APBA1: variants seen among roughly 807,000 people sequenced by gnomAD.
APBA1 encodes the protein amyloid beta precursor protein binding family A member 1.
In APBA1, 55 loss-of-function variants were observed where a neutral mutation model predicts 86.6. The observed-to-expected ratio is 0.64, with a 90% CI of 0.51 to 0.80. The LOEUF is 0.80. APBA1 is among the 30% of genes least tolerant of loss of function. The pLI is 0.00. For missense variants in APBA1, 1,090 were observed against 1,183.0 expected, an observed-to-expected ratio of 0.92 and a Z score of 1.15; for synonymous variants, 511 against 493.9, an observed-to-expected ratio of 1.03 and a Z score of -0.46.
chr9:69,576,337 C>T (rs975222241), intron 1 of APBA1, among the ~76,000 whole-genome samples: 5 of 152,168 alleles, frequency 3.3e-5, no homozygotes, highest in Non-Finnish European at 5.9e-5. Context: ...TACCATTTGA[C>T]CCAGCCATCC....
chr9:69,464,254 A>C (rs148600272), intron 5 of APBA1: 1 of 152,254 alleles, frequency 6.6e-6, no homozygotes, highest in African/African-American at 2.4e-5. Context: ...TATAACGTCA[A>C]CCAATCTGAT....
intron 1 of APBA1, among the ~76,000 whole-genome samples, chr9:69,527,729 A>G (rs1365387324): frequency 2.0e-5 from 3 of 152,106 alleles, no homozygotes; most frequent in Non-Finnish European, 4.4e-5. Flanking sequence ...TACTTACTCT[A>G]TACTTACAAG....
chr9:69,570,876 T>C (rs1192431116), intron 1 of APBA1, among the ~76,000 whole-genome samples: 1 of 152,186 alleles, frequency 6.6e-6, no homozygotes, highest in Non-Finnish European at 1.5e-5. Flanking sequence ...CCCTCTTGGT[T>C]TGTTTGTGAC....
chr9:69,601,838 G>A (rs1178431566), intron 1 of APBA1, among the ~76,000 whole-genome samples: 2 of 152,140 alleles, frequency 1.3e-5, no homozygotes, highest in Admixed American at 6.5e-5. Flanking sequence ...CTACTTTCCC[G>A]AAGAGAGTCT....
At chr9:69,431,428 G>A in intron 12 of APBA1, 30 bp from the exon 13 acceptor site, 1 of 1,601,178 alleles carries the variant, frequency 6.2e-7, no homozygotes, top group Non-Finnish European at 8.5e-7. Flanking sequence ...TTTAGTGGGG[G>A]GCTGAGGCTG....
intron 1 of APBA1, among the ~76,000 whole-genome samples, chr9:69,549,177 C>T (rs72719017): frequency 6.6e-6 from 1 of 152,084 alleles, no homozygotes; most frequent in Non-Finnish European, 1.5e-5. Flanking sequence ...CAGGGGAAGG[C>T]CGTTGCAGGC....
At chr9:69,434,067 CG>C (rs891897281) in intron 11 of APBA1, among the ~76,000 whole-genome samples, 5 of 152,182 alleles carry the variant, frequency 3.3e-5, no homozygotes, top group Non-Finnish European at 7.3e-5. Context: ...CTGGCTTCGC[CG>C]GAAGGCCAAG....
At chr9:69,619,120 G>C (rs552778430) in intron 1 of APBA1, among the ~76,000 whole-genome samples, 2 of 152,302 alleles carry the variant, frequency 1.3e-5, no homozygotes, top group South Asian at 4.1e-4. Context: ...TAATGAAACA[G>C]AGTATTTGTT....
At chr9:69,595,031 T>A (rs572235383) in intron 1 of APBA1, among the ~76,000 whole-genome samples, 1 of 152,300 alleles carries the variant, frequency 6.6e-6, no homozygotes, top group African/African-American at 2.4e-5. Flanking sequence ...AAACCATCAA[T>A]TCATATAAAC....
chr9:69,505,738 C>A (rs1374819351), intron 2 of APBA1, among the ~76,000 whole-genome samples: 2 of 152,046 alleles, frequency 1.3e-5, no homozygotes, highest in African/African-American at 4.8e-5. Context: ...GGTCTTCAGG[C>A]CGGGTGTGGT....
chr9:69,444,416 G>C (rs1834875145), intron 10 of APBA1, among the ~76,000 whole-genome samples: 1 of 152,198 alleles, frequency 6.6e-6, no homozygotes, highest in South Asian at 2.1e-4. Flanking sequence ...GCCTGGTGAA[G>C]AGGACTCTTG....
chr9:69,640,984 G>GAA (rs1313199655), intron 1 of APBA1, among the ~76,000 whole-genome samples: 112 of 151,786 alleles, frequency 7.4e-4, no homozygotes, highest in African/African-American at 2.6e-3. Context: ...AAGAAAGAAA[G>GAA]AGAAAGAGAG....
intron 1 of APBA1, among the ~76,000 whole-genome samples, chr9:69,523,515 A>ATATATG: frequency 1.7e-5 from 1 of 58,830 alleles, no homozygotes; most frequent in African/African-American, 4.5e-5. Flanking sequence ...ATATATATAT[A>ATATATG]TATATATATA....
At position 69,641,938 on chromosome 9, in the gene APBA1, C is replaced by T. The variant is rs1472001478; in HGVS notation, c.-70+30215G>A. Among the ~76,000 whole-genome samples the T allele has an allele frequency of 3.9e-5, 6 of 152,136 alleles. No individual in the cohort carries two copies. The East Asian group carries it at 7.7e-4, about 20-fold the overall frequency. On this transcript the variant is annotated intron_variant, in intron 1 of 12. Coordinates refer to ENST00000265381, the MANE Select transcript of APBA1 (RefSeq NM_001163.4). ...TCGGCTCACTGCAACTTCCGCCTCC[C>T]GGATTCAACCGATTCTCCTGCTTCA...
At chr9:69,547,891 G>T (rs762973983) in intron 1 of APBA1, among the ~76,000 whole-genome samples, 6 of 152,154 alleles carry the variant, frequency 3.9e-5, no homozygotes, top group Non-Finnish European at 7.3e-5. Context: ...TGTGGTCAGT[G>T]GAAAATGGCC....
At chr9:69,515,690 T>TGGGGG (rs60382603) in intron 2 of APBA1, among the ~76,000 whole-genome samples, 10 of 110,736 alleles carry the variant, frequency 9.0e-5, no homozygotes, top group African/African-American at 2.8e-4. Context: ...AATCAGAAAC[T>TGGGGG]GGGGGGGGGG....
intron 2 of APBA1, among the ~76,000 whole-genome samples, chr9:69,476,873 G>A (rs1265391908): frequency 2.6e-5 from 4 of 152,208 alleles, no homozygotes; most frequent in Non-Finnish European, 4.4e-5. Flanking sequence ...TGTGCAGGCA[G>A]GCCCTGCTAG....
intron 2 of APBA1, among the ~76,000 whole-genome samples, chr9:69,512,924 A>G (rs919742944): frequency 6.6e-6 from 1 of 152,158 alleles, no homozygotes; most frequent in Non-Finnish European, 1.5e-5. Flanking sequence ...ACTAGTGTTC[A>G]GTAAATATTT....
chr9:69,460,644 A>T (rs1835176090), intron 5 of APBA1: 1 of 151,494 alleles, frequency 6.6e-6, no homozygotes, highest in African/African-American at 2.4e-5. Context: ...CCATCACTGG[A>T]GTACCCAAAT....
Sources: allele counts gnomAD v4.1 joint callset (sites outside exome capture counted in the v4.1 genomes callset), GRCh38; gene constraint gnomAD v4.1.1; transcripts MANE v1.5; gene names NCBI Gene and HGNC (gene_info 2026-07-23, HGNC 2026-07-21).